The following ZNF451 variants were observed in gnomAD, a reference collection of about 807,000 sequenced individuals.
ZNF451 encodes the protein E3 SUMO-protein ligase ZNF451.
Under a neutral mutation model 107.1 loss-of-function variants are expected in ZNF451, and 80 were observed. The ratio of observed to expected loss-of-function variants is 0.75; its 90% CI spans 0.62 to 0.90. The LOEUF is 0.90. ZNF451 is among the 40% of genes least tolerant of loss of function. ZNF451 has a pLI of 0.00. For missense variants in ZNF451, 1,107 were observed against 1,236.2 expected (o/e 0.90, Z 1.57); for synonymous variants, 362 against 406.5 (o/e 0.89, Z 1.32).
At chr6:57,094,694 A>G (rs534683994) in intron 2 of ZNF451, among the ~76,000 whole-genome samples, 1 of 152,172 alleles carries the variant, frequency 6.6e-6, no homozygotes, top group South Asian at 2.1e-4. Flanking sequence ...TTGGTAATTT[A>G]TTTTTGGTCA....
intron 3 of ZNF451, chr6:57,108,116 G>A (rs761509543): frequency 3.4e-5 from 33 of 984,222 alleles, no homozygotes; most frequent in Non-Finnish European, 4.0e-5. Flanking sequence ...TGGGATTACA[G>A]GCGTGAGCCA....
intron 2 of ZNF451, among the ~76,000 whole-genome samples, chr6:57,094,725 A>G (rs1489455692): frequency 6.6e-6 from 1 of 152,150 alleles, no homozygotes; most frequent in East Asian, 1.9e-4. Flanking sequence ...GTATTCACAG[A>G]TGGGGTAATA....
At chr6:57,163,599 C>T (rs1199900734) in intron 14 of ZNF451, among the ~76,000 whole-genome samples, 11 of 149,878 alleles carry the variant, frequency 7.3e-5, no homozygotes, top group South Asian at 2.1e-4. Context: ...TACAGGCGCC[C>T]GCCACCACGC....
intron 14 of ZNF451, chr6:57,165,452 G>A (rs924239157): frequency 1.2e-4 from 18 of 152,090 alleles, no homozygotes; most frequent in Non-Finnish European, 7.4e-5. Context: ...TTGATTGATT[G>A]ATTGATTGAT....
intron 3 of ZNF451, among the ~76,000 whole-genome samples, chr6:57,119,421 G>A (rs1830528793): frequency 6.6e-6 from 1 of 152,086 alleles, no homozygotes; most frequent in Admixed American, 6.5e-5. Context: ...GCTACTCGGG[G>A]GCTGAGGCAG....
chr6:57,155,483 G>A (rs1435537703), intron 13 of ZNF451, among the ~76,000 whole-genome samples: 5 of 152,162 alleles, frequency 3.3e-5, no homozygotes, highest in African/African-American at 7.2e-5. Context: ...CAAAAACTTC[G>A]TCTCAAACAA....
intron 13 of ZNF451, among the ~76,000 whole-genome samples, chr6:57,155,818 CTT>C (rs528621372): frequency 5.7e-4 from 61 of 107,272 alleles, no homozygotes; most frequent in African/African-American, 1.1e-3. Flanking sequence ...TCTAGGTATT[CTT>C]TTTTTTTTTT....
At chr6:57,125,045 T>C (rs1442066336) in intron 4 of ZNF451, among the ~76,000 whole-genome samples, 186 bp downstream of exon 4, 1 of 152,122 alleles carries the variant, frequency 6.6e-6, no homozygotes, top group Non-Finnish European at 1.5e-5. Flanking sequence ...TGGATTCTTA[T>C]CTGTATATAG....
rs377181584 is a variant in ZNF451, at chr6:57,090,271, G to C, written c.18G>C (p.Ser6=). The C allele has an allele frequency of 7.4e-6, 12 of 1,611,188 alleles. No homozygotes were observed. Among genetic ancestry groups the C allele is most frequent in the South Asian group, 4.4e-5 (4 of 90,640 alleles). MGDPG[S]EIIESVPPAG... ...TCGGAGACATGGGAGACCCGGGGTCGGAGGTGAGTAGTCGAGTGAGGGTCC... is the reference window on the plus strand; with the variant it reads ...TCGGAGACATGGGAGACCCGGGGTCCGAGGTGAGTAGTCGAGTGAGGGTCC... The change falls in exon 1 of 15, where the codon TCG becomes TCC. Residue 6 remains serine, a synonymous_variant. Transcript: ENST00000370706.
At chr6:57,163,791 C>A (rs1763785447) in intron 14 of ZNF451, among the ~76,000 whole-genome samples, 1 of 152,044 alleles carries the variant, frequency 6.6e-6, no homozygotes, top group Admixed American at 6.6e-5. Context: ...ATGTTAGAGC[C>A]ACCAGGACCC....
Position 57,152,325 on chromosome 6 carries a change from G to T in ZNF451, c.2857G>T (p.Ala953Ser). ...LHPRCSKRKD[A>S]ADFAICMHAG... ...TCCTCGCTGTAGTAAAAGAAAAGAT[G>T]CTGCTGATTTTGCCATATGTATGCA... The change falls in exon 12 of 15, where the codon GCT (alanine) becomes TCT (serine). Residue 953 changes from alanine to serine, a missense_variant. By Grantham distance (99) the Ala-to-Ser change is moderately conservative. This residue lies in a region of ZNF451 where 151 missense variants were observed against 173.3 expected (regional missense o/e 0.87). Transcript: ENST00000370706. 1 of 1,614,042 alleles carries T rather than the reference G, an allele frequency of 6.2e-7. No homozygotes were observed. The highest frequency in any genetic ancestry group is 8.5e-7 in the Non-Finnish European group (1 of 1,179,992).
chr6:57,156,441 T>C (rs959958638), intron 13 of ZNF451, among the ~76,000 whole-genome samples: 1 of 152,224 alleles, frequency 6.6e-6, no homozygotes, highest in Non-Finnish European at 1.5e-5. Context: ...TGTCCATTAA[T>C]AATATAATTT....
Position 57,090,193 on chromosome 6 carries a change from T to TGGC in ZNF451, c.-59_-57dup. 6.4e-7 allele frequency: 1 copy of TGGC among 1,573,764 alleles called. No homozygotes were observed. Among genetic ancestry groups the TGGC allele is most frequent in the East Asian group, 2.3e-5 (1 of 43,034 alleles). ...CGGTGCAGGGCGGGAAGGGGATTCG[T>TGGC]GGCGACGGCGGCGGCAGGGACAGCA... On this transcript the variant is annotated 5_prime_UTR_variant, in exon 1 of 15. Transcript: ENST00000370706.
intron 14 of ZNF451, among the ~76,000 whole-genome samples, chr6:57,161,891 T>C (rs1383270415): frequency 6.6e-6 from 1 of 152,190 alleles, no homozygotes; most frequent in Admixed American, 6.5e-5. Context: ...TTACTCTTCT[T>C]AAAGGAAAAG....
At chr6:57,108,734 C>T (rs900029460) in intron 3 of ZNF451, 10 of 985,274 alleles carry the variant, frequency 1.0e-5, no homozygotes, top group Non-Finnish European at 1.1e-5. Context: ...TAATTGTCAT[C>T]TTCCTGCCTG....
In ZNF451 at chr6:57,152,288, C is replaced by T; in HGVS notation, c.2820C>T (p.Cys940=). 6.2e-7 allele frequency: 1 copy of T among 1,614,008 alleles called. No individual in the cohort carries two copies. Among genetic ancestry groups the T allele is most frequent in the Non-Finnish European group, 8.5e-7 (1 of 1,179,914 alleles). The change falls in exon 12 of 15, where the codon TGC becomes TGT. Residue 940 remains cysteine (C), a synonymous_variant. Coordinates refer to ENST00000370706, the MANE Select transcript of ZNF451 (RefSeq NM_001031623.3). Reference sequence around the variant, plus strand: ...ATAACTACCTGAACAGGATTGGATGCTTCTTCCTTCATCCTCGCTGTAGTA... The same window carrying T: ...ATAACTACCTGAACAGGATTGGATGTTTCTTCCTTCATCCTCGCTGTAGTA... ...KIYNYLNRIG[C]FFLHPRCSKR...
intron 12 of ZNF451, among the ~76,000 whole-genome samples, chr6:57,153,538 A>G (rs975283658): frequency 1.3e-5 from 2 of 151,624 alleles, no homozygotes; most frequent in Non-Finnish European, 1.5e-5. Flanking sequence ...GAGAATCCCG[A>G]GTAGTTGGGA....
intron 3 of ZNF451, chr6:57,104,620 A>G: frequency 1.0e-6 from 1 of 985,344 alleles, no homozygotes. Flanking sequence ...AAAGAAAAAA[A>G]AAGGCACATA....
intron 3 of ZNF451, chr6:57,103,952 A>G (rs1046315921): frequency 3.0e-6 from 3 of 985,210 alleles, no homozygotes; most frequent in African/African-American, 1.7e-5. Context: ...CTTGGAAGAA[A>G]TTACTTTATC....
Sources: allele counts gnomAD v4.1 joint callset (sites outside exome capture counted in the v4.1 genomes callset), GRCh38; gene constraint gnomAD v4.1.1; regional missense constraint gnomAD v4.1.1; transcripts MANE v1.5; gene names NCBI Gene and HGNC (gene_info 2026-07-23, HGNC 2026-07-21).